The following PCDHA10 variants were observed in gnomAD, a reference collection of about 807,000 sequenced individuals.
The protein encoded by PCDHA10 is protocadherin alpha 10.
In PCDHA10, 45 loss-of-function variants were observed where a neutral mutation model predicts 61.2. The observed-to-expected ratio is 0.74, with a 90% CI of 0.58 to 0.94. The LOEUF is 0.94. Ranked by LOEUF, PCDHA10 falls within the 40% of genes least tolerant of loss-of-function variation. The pLI is 0.00. For synonymous variants in PCDHA10, 602 were observed against 548.8 expected (o/e 1.10, Z -1.35); for missense variants, 1,278 against 1,236.2 (o/e 1.03, Z -0.51).
chr5:140,887,306 C>G (rs2061398552), intron 1 of PCDHA10, among the ~76,000 whole-genome samples: 1 of 152,096 alleles, frequency 6.6e-6, no homozygotes. Flanking sequence ...TCTTGTTAGC[C>G]AGGATAGTCT....
chr5:140,915,463 T>C (rs2077131577), intron 1 of PCDHA10, among the ~76,000 whole-genome samples: 1 of 152,184 alleles, frequency 6.6e-6, no homozygotes, highest in East Asian at 1.9e-4. Flanking sequence ...AGAAGGTTTT[T>C]ATTTGAAGGA....
intron 1 of PCDHA10, among the ~76,000 whole-genome samples, chr5:140,914,169 G>A (rs997751296): frequency 1.1e-4 from 17 of 152,140 alleles, no homozygotes; most frequent in Admixed American, 6.5e-5. Context: ...GGAAAGTGGG[G>A]TGTTGAATTC....
At chr5:140,862,662 C>T in intron 1 of PCDHA10, 1 of 546,862 alleles carries the variant, frequency 1.8e-6, no homozygotes, top group Non-Finnish European at 3.7e-6. Context: ...GGGACCGGGA[C>T]GCGCAGGAGA....
At chr5:140,974,377 A>G (rs1356669539) in intron 1 of PCDHA10, among the ~76,000 whole-genome samples, 1 of 152,190 alleles carries the variant, frequency 6.6e-6, no homozygotes, top group Non-Finnish European at 1.5e-5. Flanking sequence ...TTTCTGTTGT[A>G]CTGGAACCCA....
intron 3 of PCDHA10, among the ~76,000 whole-genome samples, chr5:141,006,304 C>T (rs528368169): frequency 7.9e-5 from 12 of 152,036 alleles, no homozygotes; most frequent in African/African-American, 2.7e-4. Context: ...CTCCACTTCC[C>T]GGGTTCATGC....
chr5:140,892,516 C>T (rs1308217040), intron 1 of PCDHA10, among the ~76,000 whole-genome samples: 1 of 152,222 alleles, frequency 6.6e-6, no homozygotes, highest in East Asian at 1.9e-4. Context: ...TCCACCATGA[C>T]TGGTAGACTC....
intron 1 of PCDHA10, chr5:140,883,566 C>A: frequency 1.2e-5 from 19 of 1,614,176 alleles, no homozygotes; most frequent in Non-Finnish European, 1.5e-5. Flanking sequence ...GGGGGCTCGC[C>A]TTCGCTGTGG....
intron 3 of PCDHA10, among the ~76,000 whole-genome samples, chr5:140,986,653 A>T (rs61089397): frequency 0.012 from 1,845 of 152,236 alleles, 43 homozygotes; most frequent in African/African-American, 0.043. Context: ...AGAGTGGGAG[A>T]TGCTCACAGT....
At chr5:140,927,146 A>T (rs2083897470) in intron 1 of PCDHA10, 1 of 1,614,156 alleles carries the variant, frequency 6.2e-7, no homozygotes, top group East Asian at 2.2e-5. Context: ...GACCGCGAAC[A>T]GCTGTGCAGG....
rs74520967 is a variant in PCDHA10 at position 140,931,074 on chromosome 5, G to A, written c.2389-47875G>A. Among the ~76,000 whole-genome samples, 869 of 152,264 alleles carry A rather than the reference G, an allele frequency of 5.7e-3. 7 individuals are homozygous for A. The highest frequency in any genetic ancestry group is 0.018 in the African/African-American group (768 of 41,552). ...ATGCTGTGTCTGGGACTAAGTATGAGTCCAGTTCTACAGATGACAAAGGAA... is the reference window on the plus strand; with the variant it reads ...ATGCTGTGTCTGGGACTAAGTATGAATCCAGTTCTACAGATGACAAAGGAA... On this transcript the variant is annotated intron_variant, in intron 1 of 3. Coordinates refer to ENST00000307360, the MANE Select transcript of PCDHA10 (RefSeq NM_018901.4).
intron 1 of PCDHA10, among the ~76,000 whole-genome samples, chr5:140,911,436 C>T (rs369054235): frequency 6.1e-4 from 93 of 152,242 alleles, no homozygotes; most frequent in South Asian, 2.9e-3. Context: ...TCCAATTTCC[C>T]GCAATTTCAG....
At chr5:140,876,798 CG>C (rs1562719394) in intron 1 of PCDHA10, 1 of 1,614,180 alleles carries the variant, frequency 6.2e-7, no homozygotes, top group East Asian at 2.2e-5. Flanking sequence ...CTAGAGTGTC[CG>C]TGGAGGTGGC....
At chr5:140,967,815 A>G in intron 1 of PCDHA10, 1 of 1,614,180 alleles carries the variant, frequency 6.2e-7, no homozygotes. Context: ...GGTCACTGCA[A>G]GGTGCTGGTG....
chr5:140,952,327 A>G (rs1407008388), intron 1 of PCDHA10, among the ~76,000 whole-genome samples: 2 of 134,678 alleles, frequency 1.5e-5, no homozygotes, highest in Non-Finnish European at 1.6e-5. Flanking sequence ...AACAAGAGTG[A>G]AACTCCATCT....
chr5:140,890,822 A>T (rs1044008204), intron 1 of PCDHA10, among the ~76,000 whole-genome samples: 8 of 152,186 alleles, frequency 5.3e-5, no homozygotes, highest in Non-Finnish European at 1.0e-4. Flanking sequence ...TTTTAAATGT[A>T]CTTACATATT....
intron 1 of PCDHA10, among the ~76,000 whole-genome samples, chr5:140,890,620 A>G (rs1554184472): frequency 6.6e-6 from 1 of 152,196 alleles, no homozygotes; most frequent in East Asian, 1.9e-4. Flanking sequence ...TTACCCTAGA[A>G]AATTAAGCAT....
intron 1 of PCDHA10, chr5:140,969,591 T>C: frequency 2.4e-6 from 2 of 829,486 alleles, no homozygotes; most frequent in South Asian, 2.0e-5. Context: ...TTAGTCTTAA[T>C]ATTTAATGCT....
chr5:140,885,516 T>C (rs1235698672), intron 1 of PCDHA10, among the ~76,000 whole-genome samples: 1 of 152,198 alleles, frequency 6.6e-6, no homozygotes, highest in South Asian at 2.1e-4. Context: ...TGCTGTGCTA[T>C]CATTTCATAT....
intron 1 of PCDHA10, among the ~76,000 whole-genome samples, chr5:140,941,460 C>T (rs530075226): frequency 4.6e-4 from 69 of 151,184 alleles, no homozygotes; most frequent in African/African-American, 1.6e-3. Context: ...GGATTACAGG[C>T]GCCCACCACC....
Sources: gnomAD v4.1 joint callset for allele counts (sites outside exome capture counted in the v4.1 genomes callset) on GRCh38, gnomAD v4.1.1 for gene constraint, MANE v1.5 for transcripts, NCBI Gene and HGNC (gene_info 2026-07-23, HGNC 2026-07-21) for gene names.